The following RANBP2 variants were observed in gnomAD, a reference collection of about 807,000 sequenced individuals.
RANBP2 encodes RAN binding protein 2, also known as E3 SUMO-protein ligase RanBP2.
RANBP2 carries 57 observed loss-of-function variants against 303.6 expected under a neutral mutation model. The observed-to-expected ratio is 0.19, with a 90% CI of 0.15 to 0.23. The LOEUF (loss-of-function observed/expected upper bound fraction) is 0.23. Among genes scored for constraint, RANBP2 ranks in the 10% least tolerant of loss-of-function variants. The pLI is 1.00. For synonymous variants in RANBP2, 1,167 were observed against 1,301.5 expected, an observed-to-expected ratio of 0.90 and a Z score of 2.23; for missense variants, 3,138 against 3,780.8, an observed-to-expected ratio of 0.83 and a Z score of 4.46.
At chr2:109,299,698 A>G in the RANBP2 span, among the ~76,000 whole-genome samples, 1 of 152,166 alleles carries the variant, frequency 6.6e-6, no homozygotes, top group African/African-American at 2.4e-5. Flanking sequence ...GGAATGTTCT[A>G]AATAATCAGG....
At chr2:108,736,312 C>G (rs1279091666) in intron 6 of RANBP2, 63 bp downstream of exon 6, 1 of 1,611,110 alleles carries the variant, frequency 6.2e-7, no homozygotes, top group Non-Finnish European at 8.5e-7. Context: ...GCAGTAAGTT[C>G]ATTGCTCTAA....
At chr2:109,534,866 C>T in the RANBP2 span, among the ~76,000 whole-genome samples, 2 of 152,040 alleles carry the variant, frequency 1.3e-5, no homozygotes, top group African/African-American at 4.8e-5. Flanking sequence ...TGTTTCTTAC[C>T]TGACTAGAGC....
At chr2:109,081,856 G>A in the RANBP2 span, among the ~76,000 whole-genome samples, 1 of 152,240 alleles carries the variant, frequency 6.6e-6, no homozygotes, top group Non-Finnish European at 1.5e-5. Context: ...ACTTGCCAAC[G>A]AGGCATCTTC....
chr2:109,742,550 A>G, the RANBP2 span, among the ~76,000 whole-genome samples: 1 of 148,692 alleles, frequency 6.7e-6, no homozygotes, highest in Non-Finnish European at 1.5e-5. Context: ...GAAGTATTCC[A>G]TGTTCATGAA....
At chr2:109,639,708 A>G in the RANBP2 span, among the ~76,000 whole-genome samples, 1 of 151,884 alleles carries the variant, frequency 6.6e-6, no homozygotes, top group Non-Finnish European at 1.5e-5. Flanking sequence ...ATGTTTTCTA[A>G]CAATACTAGA....
the RANBP2 span, among the ~76,000 whole-genome samples, chr2:109,435,633 A>G: frequency 6.6e-6 from 1 of 152,226 alleles, no homozygotes. Flanking sequence ...TATCTCTGCC[A>G]TCCTGCCATG....
chr2:109,094,514 T>G, the RANBP2 span, among the ~76,000 whole-genome samples: 1 of 152,154 alleles, frequency 6.6e-6, no homozygotes, highest in Admixed American at 6.5e-5. Context: ...TATTTATATG[T>G]GTTGTGTGTG....
At chr2:109,660,291 C>A in the RANBP2 span, among the ~76,000 whole-genome samples, 1 of 152,172 alleles carries the variant, frequency 6.6e-6, no homozygotes, top group South Asian at 2.1e-4. Flanking sequence ...TAGGCCAAGT[C>A]TTCATTTACA....
At chr2:109,387,624 GC>G in the RANBP2 span, among the ~76,000 whole-genome samples, 1 of 152,118 alleles carries the variant, frequency 6.6e-6, no homozygotes, top group East Asian at 1.9e-4. Context: ...GCCCATCTGG[GC>G]CCCCTATTTA....
the RANBP2 span, among the ~76,000 whole-genome samples, chr2:109,011,668 AT>A: frequency 6.6e-6 from 1 of 151,576 alleles, no homozygotes; most frequent in African/African-American, 2.4e-5. Flanking sequence ...GGATCTTCTC[AT>A]TTTTTCCTCT....
chr2:109,140,916 T>C, the RANBP2 span, among the ~76,000 whole-genome samples: 2 of 152,180 alleles, frequency 1.3e-5, no homozygotes, highest in African/African-American at 2.4e-5. Flanking sequence ...AACAACTTCA[T>C]GGGCTGAGAA....
At chr2:109,406,298 C>T in the RANBP2 span, among the ~76,000 whole-genome samples, 4 of 152,156 alleles carry the variant, frequency 2.6e-5, no homozygotes, top group African/African-American at 7.2e-5. Context: ...TGGATCAAAT[C>T]GGGAAATGAT....
the RANBP2 span, among the ~76,000 whole-genome samples, chr2:108,870,879 T>A: frequency 6.6e-6 from 1 of 152,150 alleles, no homozygotes; most frequent in South Asian, 2.1e-4. Context: ...TGGAAAAAAC[T>A]CTGGAGATGG....
the RANBP2 span, among the ~76,000 whole-genome samples, chr2:109,555,301 C>T: frequency 6.6e-6 from 1 of 152,176 alleles, no homozygotes; most frequent in Admixed American, 6.5e-5. Flanking sequence ...ATATCCTATC[C>T]TCAGGTTTCA....
chr2:109,439,447 A>G, the RANBP2 span, among the ~76,000 whole-genome samples: 95 of 152,322 alleles, frequency 6.2e-4, no homozygotes, highest in African/African-American at 2.3e-3. Context: ...CACTGTTGAC[A>G]GTCCAAGTAA....
At chr2:108,875,227 A>G in the RANBP2 span, among the ~76,000 whole-genome samples, 1 of 151,870 alleles carries the variant, frequency 6.6e-6, no homozygotes, top group African/African-American at 2.4e-5. Flanking sequence ...CAAGGAAATA[A>G]GAAACAAAGC....
At chr2:108,747,426 T>A (rs1319195911) in intron 8 of RANBP2, among the ~76,000 whole-genome samples, 1 of 152,252 alleles carries the variant, frequency 6.6e-6, no homozygotes, top group Non-Finnish European at 1.5e-5. Flanking sequence ...GGATGAATTT[T>A]GTAAAGAGCA....
the RANBP2 span, among the ~76,000 whole-genome samples, chr2:109,654,804 T>G: frequency 6.6e-6 from 1 of 152,160 alleles, no homozygotes; most frequent in East Asian, 1.9e-4. Context: ...GGGCACACAG[T>G]TTGCACTTGA....
At chr2:108,780,341 C>CAT (rs1678158052) in intron 25 of RANBP2, among the ~76,000 whole-genome samples, 2 of 146,890 alleles carry the variant, frequency 1.4e-5, no homozygotes, top group Non-Finnish European at 3.0e-5. Flanking sequence ...TACAGGCACC[C>CAT]GCCACCACGC....
Sources: allele counts gnomAD v4.1 joint callset (sites outside exome capture counted in the v4.1 genomes callset), GRCh38; gene constraint gnomAD v4.1.1; transcripts MANE v1.5; gene names NCBI Gene and HGNC (gene_info 2026-07-23, HGNC 2026-07-21).